Variants in CEP104 observed in about 807,000 individuals in gnomAD.
CEP104 encodes centrosomal protein of 104 kDa.
In CEP104, 84 loss-of-function variants were observed where a neutral mutation model predicts 113.3. The ratio of observed to expected loss-of-function variants is 0.74; its 90% confidence interval spans 0.62 to 0.89. The LOEUF is 0.89. Among genes scored for constraint, CEP104 ranks in the 40% least tolerant of loss-of-function variants. CEP104 has a pLI of 0.00. For synonymous variants in CEP104, 378 were observed against 421.7 expected (o/e 0.90, Z 1.27); for missense variants, 1,053 against 1,156.6 (o/e 0.91, Z 1.30).
chr1:3,817,732 T>G (rs1219003304), intron 20 of CEP104, among the ~76,000 whole-genome samples: 1 of 152,040 alleles, frequency 6.6e-6, no homozygotes, highest in Non-Finnish European at 1.5e-5. Flanking sequence ...AGCACAGAGG[T>G]GGCAGGTCCC....
At chr1:3,851,962 A>G (rs1407333528) in intron 2 of CEP104, among the ~76,000 whole-genome samples, 1 of 152,186 alleles carries the variant, frequency 6.6e-6, no homozygotes, top group Non-Finnish European at 1.5e-5. Flanking sequence ...TGCACTCACA[A>G]TCTCTGCACA....
chr1:3,822,023 G>A (rs535714466), intron 20 of CEP104, among the ~76,000 whole-genome samples: 66 of 152,302 alleles, frequency 4.3e-4, no homozygotes, highest in African/African-American at 1.5e-3. Context: ...AAGCTCCGAC[G>A]GGAACATTTA....
chr1:3,825,768 T>C lies in CEP104; in HGVS notation c.2354A>G (p.His785Arg). 6.2e-7 allele frequency: 1 copy of C among 1,611,006 alleles called. No homozygotes were observed. The highest frequency in any genetic ancestry group is 8.5e-7 in the Non-Finnish European group (1 of 1,177,136). ...TGCCGCTGGCCTGACCTGTTTGCAG[T>C]GGTCACATCTTGTCAGCATGAGACA... ...KHCLMLTRCDHCKQVVEISSL... is the reference protein window; with the variant it reads ...KHCLMLTRCDRCKQVVEISSL... Residue 785 changes from histidine to arginine, a missense_variant, in exon 18 of 22, where the codon CAC becomes CGC. Coordinates refer to ENST00000378230, the MANE Select transcript of CEP104 (RefSeq NM_014704.4).
At chr1:3,830,994 C>T in intron 13 of CEP104, 52 bp downstream of exon 13, 2 of 1,520,460 alleles carry the variant, frequency 1.3e-6, no homozygotes, top group Non-Finnish European at 1.8e-6. Context: ...ACGCTCCAGG[C>T]ACTGTGGTGA....
Position 3,829,377 on chromosome 1 carries a change from G to A in CEP104, c.2044-4C>T. 1.2e-6 allele frequency: 2 copies of A among 1,605,046 alleles called. No individual in the cohort carries two copies. The highest frequency in any genetic ancestry group is 8.5e-7 in the Non-Finnish European group (1 of 1,177,034). ...CTGTAGCCGCTTTTCTCCGTGCCTG[G>A]TAAGAAAATTATTTTTCCATTAGAA... On this transcript the variant is annotated splice_region_variant and splice_polypyrimidine_tract_variant and intron_variant, in intron 14 of 21. Coordinates refer to ENST00000378230, the MANE Select transcript of CEP104 (RefSeq NM_014704.4).
Position 3,831,174 on chromosome 1 carries a change from A to G in CEP104, c.1708T>C (p.Tyr570His), listed in dbSNP as rs1240059399. Residue 570 changes from tyrosine to histidine, a missense_variant, in exon 13 of 22, where the codon TAC (tyrosine) becomes CAC (histidine). Physicochemically the swap from Tyr to His is moderately conservative, Grantham distance 83 (BLOSUM62 2). Coordinates refer to ENST00000378230, the MANE Select transcript of CEP104 (RefSeq NM_014704.4). Reference sequence around the variant, plus strand: ...TTTGCTTTCAATGGCTGCACCAGGTAGGATGGAATAATTTGGAGAGACTTA... The same window carrying G: ...TTTGCTTTCAATGGCTGCACCAGGTGGGATGGAATAATTTGGAGAGACTTA... ...EVKSLQIIPS[Y>H]LVQPLKANSS... is the part of the protein sequence containing the mutation. The G allele has an allele frequency of 1.1e-5, 18 of 1,614,120 alleles. No individual in the cohort carries two copies. Among genetic ancestry groups the G allele is most frequent in the Non-Finnish European group, 1.3e-5 (15 of 1,180,028 alleles).
chr1:3,845,049 C>A, intron 5 of CEP104, 66 bp from the exon 6 acceptor site: 1 of 1,325,270 alleles, frequency 7.5e-7, no homozygotes. Context: ...ACCTTAACTA[C>A]AAGATTTATT....
intron 8 of CEP104, among the ~76,000 whole-genome samples, chr1:3,838,231 C>A (rs960573220): frequency 2.6e-5 from 4 of 152,176 alleles, no homozygotes; most frequent in African/African-American, 9.7e-5. Context: ...TAGCTCACTG[C>A]AGCCTCGAAC....
intron 1 of CEP104, chr1:3,855,951 G>A (rs1570872529): frequency 1.0e-6 from 1 of 985,400 alleles, no homozygotes; most frequent in Non-Finnish European, 1.2e-6. Context: ...TCTCTCCCCA[G>A]GCAGCGATGA....
At position 3,837,416 on chromosome 1, in the gene CEP104, G is replaced by A. The variant is rs1476069732; in HGVS notation, c.995C>T (p.Thr332Ile). 6.2e-7 allele frequency: 1 copy of A among 1,614,068 alleles called. No homozygotes were observed. Among genetic ancestry groups the A allele is most frequent in the Non-Finnish European group, 8.5e-7 (1 of 1,180,038 alleles). Residue 332 changes from threonine (T) to isoleucine (I), a missense_variant, in exon 9 of 22, where the codon ACA (threonine) becomes ATA (isoleucine). Physicochemically the swap from Thr to Ile is moderately conservative, Grantham distance 89. Coordinates refer to ENST00000378230, the MANE Select transcript of CEP104 (RefSeq NM_014704.4). ...GAAAGGTTCTGCAAACTGGTTTTCT[G>A]TTCCTCTTTCTTCCAGTTGTGGTAG... ...PSLPQLEERG[T>I]ENQFAEPFLQ...
At chr1:3,820,801 C>T (rs1643957527) in intron 20 of CEP104, among the ~76,000 whole-genome samples, 2 of 152,166 alleles carry the variant, frequency 1.3e-5, no homozygotes, top group South Asian at 2.1e-4. Context: ...CTCCTGCTGG[C>T]GGTGCAGGTG....
At position 3,828,993 on chromosome 1, in the gene CEP104, G is replaced by T. The variant is rs6670916; in HGVS notation, c.2151+273C>A. Among the ~76,000 whole-genome samples the T allele has an allele frequency of 0.63, 95,775 of 151,970 alleles. 30,777 individuals are homozygous for T. The highest frequency in any genetic ancestry group is 0.75 in the African/African-American group (30,994 of 41,424). ...AGAGCTGTGGAGGAGAGCAGCTCTGGGCCCACAGCCCCTGGTCCCTCCCTA... is the reference window on the plus strand; with the variant it reads ...AGAGCTGTGGAGGAGAGCAGCTCTGTGCCCACAGCCCCTGGTCCCTCCCTA... On this transcript the variant is annotated intron_variant, in intron 15 of 21. Transcript: ENST00000378230.
At chr1:3,826,221 G>A (rs1051905429) in intron 17 of CEP104, 149 bp downstream of exon 17, 3 of 671,346 alleles carry the variant, frequency 4.5e-6, no homozygotes, top group Admixed American at 2.6e-5. Flanking sequence ...CTGACTCGGA[G>A]TGGATGCTGG....
intron 15 of CEP104, among the ~76,000 whole-genome samples, chr1:3,828,464 C>T (rs894650740): frequency 6.6e-6 from 1 of 152,328 alleles, no homozygotes; most frequent in East Asian, 1.9e-4. Flanking sequence ...AGCCTATATT[C>T]AGCCACATTT....
chr1:3,845,412 T>C (rs1644489016), intron 4 of CEP104, 61 bp from the exon 5 acceptor site: 1 of 1,253,296 alleles, frequency 8.0e-7, no homozygotes. Flanking sequence ...TTAACCCTTT[T>C]ATTTACTTAT....
chr1:3,844,850 C>G, intron 6 of CEP104, 57 bp downstream of exon 6: 2 of 1,436,090 alleles, frequency 1.4e-6, no homozygotes, highest in Admixed American at 3.4e-5. Flanking sequence ...ATGACTGACC[C>G]TTTCAGGATT....
intron 20 of CEP104, chr1:3,822,798 G>C (rs1362002170): frequency 5.4e-6 from 1 of 185,038 alleles, no homozygotes; most frequent in Non-Finnish European, 1.1e-5. Context: ...ATAGGGCTGG[G>C]TTTTATTAGG....
At chr1:3,846,438 G>A (rs1644509193) in intron 4 of CEP104, among the ~76,000 whole-genome samples, 1 of 152,206 alleles carries the variant, frequency 6.6e-6, no homozygotes, top group African/African-American at 2.4e-5. Flanking sequence ...TTTCATGTCA[G>A]TGAAGTGCTG....
chr1:3,833,886 G>A lies in CEP104; in HGVS notation c.1635C>T (p.Arg545=), dbSNP rs1260564881. Residue 545 remains arginine (R), a synonymous_variant, in exon 12 of 22, where the codon CGC becomes CGT. Coordinates refer to ENST00000378230, the MANE Select transcript of CEP104 (RefSeq NM_014704.4). ...CCTGAATAAAATTTGCAGCTGTGACGCGGAGGCGGGCAGAAGAATCTCCAG... is the reference window on the plus strand; with the variant it reads ...CCTGAATAAAATTTGCAGCTGTGACACGGAGGCGGGCAGAAGAATCTCCAG... ...TRTGDSSARL[R]VTAANFIQEM... The A allele has an allele frequency of 9.9e-6, 16 of 1,614,112 alleles. No individual in the cohort carries two copies. Among genetic ancestry groups the A allele is most frequent in the Admixed American group, 6.7e-5 (4 of 60,006 alleles).
Sources: allele counts gnomAD v4.1 joint callset (sites outside exome capture counted in the v4.1 genomes callset), GRCh38; gene constraint gnomAD v4.1.1; transcripts MANE v1.5; gene names NCBI Gene and HGNC (gene_info 2026-07-23, HGNC 2026-07-21).